BCL7B: variants seen among roughly 807,000 people sequenced by gnomAD.
BCL7B encodes the protein BAF chromatin remodeling complex subunit BCL7B.
In BCL7B, 11 loss-of-function variants were observed where a neutral mutation model predicts 26.5. That is an observed-to-expected ratio of 0.42 (90% confidence interval 0.26 to 0.69). The LOEUF (loss-of-function observed/expected upper bound fraction) is 0.69, where lower values mean the gene tolerates loss of function less well. Among genes scored for constraint, BCL7B ranks in the 30% least tolerant of loss-of-function variants. The probability of loss-of-function intolerance (pLI) is 0.28; values close to 1 mark genes in which losing one functional copy is unlikely to be tolerated. For missense variants in BCL7B, 215 were observed against 264.4 expected (o/e 0.81, Z 1.30); for synonymous variants, 111 against 107.9 (o/e 1.03, Z -0.18).
At chr7:73,546,131 CA>C (rs1327019672) in intron 2 of BCL7B, among the ~76,000 whole-genome samples, 11,805 of 73,830 alleles carry the variant, frequency 0.16, 512 homozygotes, top group Middle Eastern at 0.24. Context: ...GACTCCATCT[CA>C]AAAAAAAAAA....
chr7:73,536,399 T>C lies in BCL7B; in HGVS notation c.*899A>G, dbSNP rs1554582109. On this transcript the variant is annotated 3_prime_UTR_variant, in exon 6 of 6. Transcript: ENST00000223368. Reference sequence around the variant, plus strand: ...ATTTTAAAAATATTCTATTCAGTGCTAAAATATGTCTTCACTCACTGTTGC... The same window carrying C: ...ATTTTAAAAATATTCTATTCAGTGCCAAAATATGTCTTCACTCACTGTTGC... 6.6e-6 allele frequency: 1 copy of C among 152,504 alleles called. No homozygotes were observed. Among genetic ancestry groups the C allele is most frequent in the Non-Finnish European group, 1.5e-5 (1 of 68,044 alleles). 9.4% of individuals were successfully genotyped at this position (152,504 alleles called of 1,614,324 possible).
Position 73,552,162 on chromosome 7 carries a change from CTT to C in BCL7B, c.168+3_168+4del. 1 of 1,605,540 alleles carries C rather than the reference CTT, an allele frequency of 6.2e-7. No homozygotes were observed. The highest frequency in any genetic ancestry group is 8.5e-7 in the Non-Finnish European group (1 of 1,175,994). The stretch of plus-strand genomic sequence containing the variant: ...TGGTATCTTTTGATTTTCTTCCACA[CTT>C]ACCTCCTTGCTGTCTGTCACAGGAA... On this transcript the variant is annotated splice_donor_region_variant and intron_variant, in intron 2 of 5. Transcript: ENST00000223368.
intron 2 of BCL7B, among the ~76,000 whole-genome samples, chr7:73,544,234 A>C (rs910578026): frequency 6.6e-6 from 1 of 152,042 alleles, no homozygotes; most frequent in Non-Finnish European, 1.5e-5. Flanking sequence ...CAGCCTGGCC[A>C]ACATTGTGAA....
intron 3 of BCL7B, 139 bp downstream of exon 3, chr7:73,543,409 C>A (rs189001125): frequency 4.1e-6 from 3 of 730,698 alleles, no homozygotes; most frequent in Non-Finnish European, 7.1e-6. Flanking sequence ...AACTCCTGAC[C>A]TCAGGTGATC....
At chr7:73,539,795 C>T (rs1314550480) in intron 4 of BCL7B, 87 bp downstream of exon 4, 54 of 1,506,554 alleles carry the variant, frequency 3.6e-5, no homozygotes, top group African/African-American at 4.1e-5. Context: ...GGTGCTCTCT[C>T]GAGCCTGTTA....
intron 4 of BCL7B, among the ~76,000 whole-genome samples, chr7:73,539,259 C>CT (rs113169208): frequency 6.9e-4 from 103 of 148,216 alleles, no homozygotes; most frequent in Admixed American, 1.1e-3. Context: ...CGCGCCAGGT[C>CT]TTTTTTTTTT....
chr7:73,549,939 G>A (rs1421487989), intron 2 of BCL7B, among the ~76,000 whole-genome samples: 1 of 152,216 alleles, frequency 6.6e-6, no homozygotes, highest in Non-Finnish European at 1.5e-5. Context: ...AGGGACAGGA[G>A]GAAGAGGATG....
chr7:73,539,298 C>CAAGA (rs1554582536), intron 4 of BCL7B, among the ~76,000 whole-genome samples: 1 of 151,270 alleles, frequency 6.6e-6, no homozygotes, highest in Non-Finnish European at 1.5e-5. Flanking sequence ...GTTGCCCAGG[C>CAAGA]AAGAATACAC....
chr7:73,543,630 T>C lies in BCL7B; in HGVS notation c.183A>G (p.Lys61=). 2 of 1,613,376 alleles carry C rather than the reference T, an allele frequency of 1.2e-6. No homozygotes were observed. The highest frequency in any genetic ancestry group is 1.7e-6 in the Non-Finnish European group (2 of 1,179,736). Residue 61 remains lysine (K), a synonymous_variant, in exon 3 of 6, where the codon AAA becomes AAG. Coordinates refer to ENST00000223368, the MANE Select transcript of BCL7B (RefSeq NM_001707.4). ...VTDSKEKEKS[K]SNSSAAREPN... ...GTTCTCGGGCTGCTGAACTGTTCGA[T>C]TTTGACTTTTCTTTCTAGAAAAGGA... is the stretch of plus-strand genomic sequence containing the variant.
chr7:73,537,444 T>C, intron 5 of BCL7B, 54 bp from the exon 6 acceptor site: 2 of 1,375,414 alleles, frequency 1.5e-6, no homozygotes, highest in East Asian at 2.3e-5. Context: ...ACCAGAACCT[T>C]CCCACCCACC....
chr7:73,542,212 T>C (rs1406355506), intron 3 of BCL7B, among the ~76,000 whole-genome samples: 1 of 152,210 alleles, frequency 6.6e-6, no homozygotes, highest in East Asian at 1.9e-4. Context: ...GTTCATTAAG[T>C]GTTTACTAAA....
At chr7:73,557,285 G>C (rs994918561) in intron 1 of BCL7B, 5 of 1,142,642 alleles carry the variant, frequency 4.4e-6, no homozygotes, top group Non-Finnish European at 4.3e-6. Flanking sequence ...GGGCGGGCCC[G>C]CGAGCCGGGA....
At chr7:73,542,335 C>A (rs1406008054) in intron 3 of BCL7B, among the ~76,000 whole-genome samples, 1 of 152,160 alleles carries the variant, frequency 6.6e-6, no homozygotes, top group African/African-American at 2.4e-5. Context: ...ACATGGTTGA[C>A]CTTGGTGGGG....
chr7:73,541,260 A>G (rs1204069441), intron 3 of BCL7B, among the ~76,000 whole-genome samples: 2 of 151,928 alleles, frequency 1.3e-5, no homozygotes, highest in African/African-American at 4.8e-5. Flanking sequence ...CTGCTCTGGT[A>G]TCATTTGTGC....
chr7:73,537,832 A>G, intron 5 of BCL7B, 102 bp downstream of exon 5: 1 of 768,298 alleles, frequency 1.3e-6, no homozygotes, highest in South Asian at 2.1e-5. Context: ...TGGAGGTTGT[A>G]GTGAGCCAGG....
intron 2 of BCL7B, 182 bp from the exon 3 acceptor site, chr7:73,543,826 G>A: frequency 1.8e-6 from 1 of 547,872 alleles, no homozygotes. Flanking sequence ...TTCTCCTCAA[G>A]CCTCAGAAAA....
chr7:73,551,230 C>A (rs950534666), intron 2 of BCL7B, among the ~76,000 whole-genome samples: 2 of 152,190 alleles, frequency 1.3e-5, no homozygotes, highest in African/African-American at 4.8e-5. Flanking sequence ...ACTCAATCTG[C>A]CACTGTAATT....
chr7:73,555,806 G>C (rs544411535), intron 1 of BCL7B, among the ~76,000 whole-genome samples: 2 of 152,154 alleles, frequency 1.3e-5, no homozygotes, highest in Non-Finnish European at 2.9e-5. Flanking sequence ...GAGTGCCATG[G>C]CATGATCATA....
Position 73,543,488 on chromosome 7 carries a change from A to C in BCL7B, c.265+60T>G, listed in dbSNP as rs532841116. 29 of 1,499,412 alleles carry C rather than the reference A, an allele frequency of 1.9e-5. No individual in the cohort carries two copies. The African/African-American group carries it at 2.2e-4, about 11-fold the overall frequency. The allele number at this position is 1,499,412 out of a possible 1,614,324, so 92.9% of individuals were successfully genotyped here. On this transcript the variant is annotated intron_variant, in intron 3 of 5. Transcript: ENST00000223368. Reference sequence around the variant, plus strand: ...TCACTGCACCTGGCCAATTCTTCTTATTAATGCATTCATCCAAGTTTTCAT... The same window carrying C: ...TCACTGCACCTGGCCAATTCTTCTTCTTAATGCATTCATCCAAGTTTTCAT...
Sources: allele counts gnomAD v4.1 joint callset (sites outside exome capture counted in the v4.1 genomes callset), GRCh38; gene constraint gnomAD v4.1.1; transcripts MANE v1.5; gene names NCBI Gene and HGNC (gene_info 2026-07-23, HGNC 2026-07-21).